The following FLI1 variants were observed in gnomAD, a reference collection of about 807,000 sequenced individuals.
The protein encoded by FLI1 is Fli-1 proto-oncogene, ETS transcription factor.
Under a neutral mutation model 53.1 loss-of-function variants are expected in FLI1, and 13 were observed. The observed-to-expected ratio is 0.24, with a 90% CI of 0.16 to 0.39. The LOEUF (loss-of-function observed/expected upper bound fraction) is 0.39. Ranked by LOEUF, FLI1 falls within the 10% of genes least tolerant of loss-of-function variation. FLI1 has a pLI of 1.00. For missense variants in FLI1, 424 were observed against 600.5 expected, an observed-to-expected ratio of 0.71 and a Z score of 3.07; for synonymous variants, 244 against 236.7, an observed-to-expected ratio of 1.03 and a Z score of -0.28.
At chr11:128,730,367 G>A (rs1309493964) in intron 1 of FLI1, among the ~76,000 whole-genome samples, 2 of 152,174 alleles carry the variant, frequency 1.3e-5, no homozygotes, top group African/African-American at 4.8e-5. Context: ...CAGTAGCTGC[G>A]CTGCTCATCC....
At position 128,811,298 on chromosome 11, in the gene FLI1, A is replaced by C. The variant is rs1229368439; in HGVS notation, c.*310A>C. On this transcript the variant is annotated 3_prime_UTR_variant, in exon 9 of 9. Transcript: ENST00000527786. ...GGTTAAGTCATGGTTCTGAGAAAGAAGCTGTACGTTTTCTTTATGTTTTTA... is the reference window on the plus strand; with the variant it reads ...GGTTAAGTCATGGTTCTGAGAAAGACGCTGTACGTTTTCTTTATGTTTTTA... The C allele has an allele frequency of 6.9e-6, 3 of 435,014 alleles. No individual in the cohort carries two copies. Among genetic ancestry groups the C allele is most frequent in the East Asian group, 8.4e-5 (2 of 23,794 alleles). The allele number at this position is 435,014 out of a possible 1,614,324, so 26.9% of individuals were successfully genotyped here.
chr11:128,725,822 C>T (rs1939452684), intron 1 of FLI1, among the ~76,000 whole-genome samples: 1 of 152,084 alleles, frequency 6.6e-6, no homozygotes, highest in African/African-American at 2.4e-5. Context: ...GCAGTCCGTG[C>T]AGGAGAAAAA....
chr11:128,730,034 T>C (rs891261107), intron 1 of FLI1, among the ~76,000 whole-genome samples: 1 of 152,218 alleles, frequency 6.6e-6, no homozygotes, highest in Non-Finnish European at 1.5e-5. Context: ...AGTTCATTCA[T>C]GTTGCCAGAG....
Position 128,733,314 on chromosome 11 carries a change from C to T in FLI1, c.19-24801C>T, listed in dbSNP as rs116515620. On this transcript the variant is annotated intron_variant, in intron 1 of 8. Coordinates refer to ENST00000527786, the MANE Select transcript of FLI1 (RefSeq NM_002017.5). The stretch of plus-strand genomic sequence containing the variant: ...TAATTCACTGGATCTGGAATGGTCC[C>T]GGGAATCTTCATTTTTAACAACACT... Among the ~76,000 whole-genome samples, 1,141 of 152,156 alleles carry T rather than the reference C, an allele frequency of 7.5e-3. 11 individuals are homozygous for T. The highest frequency in any genetic ancestry group is 0.026 in the African/African-American group (1,082 of 41,502).
At chr11:128,791,213 C>T (rs1942259095) in intron 5 of FLI1, among the ~76,000 whole-genome samples, 1 of 152,150 alleles carries the variant, frequency 6.6e-6, no homozygotes, top group Admixed American at 6.5e-5. Context: ...TACAGCTTTG[C>T]CCATTTAGGT....
At chr11:128,686,405 G>A (rs1449940888), upstream of FLI1, 3 of 456,160 alleles carry the variant, frequency 6.6e-6, no homozygotes, top group Non-Finnish European at 1.3e-5. Flanking sequence ...GGTGTGAGGT[G>A]GCTCTCAGTT....
At chr11:128,731,303 TG>T (rs5795634) in intron 1 of FLI1, among the ~76,000 whole-genome samples, 29,932 of 152,032 alleles carry the variant, frequency 0.2, 3,322 homozygotes, top group Admixed American at 0.34. Context: ...GACCTAAATG[TG>T]GGGGGGTTGG....
At chr11:128,758,957 C>A (rs958888115) in intron 2 of FLI1, among the ~76,000 whole-genome samples, 2 of 152,224 alleles carry the variant, frequency 1.3e-5, no homozygotes, top group African/African-American at 4.8e-5. Flanking sequence ...CTCAGTTTTG[C>A]GTCCTGCCTC....
intron 1 of FLI1, among the ~76,000 whole-genome samples, chr11:128,728,938 T>G (rs1939587152): frequency 6.6e-6 from 1 of 152,244 alleles, no homozygotes; most frequent in African/African-American, 2.4e-5. Flanking sequence ...AGACACACCC[T>G]TCTGCCTGAT....
upstream of FLI1, among the ~76,000 whole-genome samples, chr11:128,689,253 C>T (rs986814677): frequency 3.9e-5 from 6 of 152,242 alleles, 1 homozygote; most frequent in South Asian, 1.2e-3. Context: ...ACCAGGAGAC[C>T]CAGTGGAGTA....
intron 1 of FLI1, among the ~76,000 whole-genome samples, chr11:128,688,524 G>C (rs61907831): frequency 6.6e-6 from 1 of 152,150 alleles, no homozygotes; most frequent in Non-Finnish European, 1.5e-5. Context: ...GCCGTTGTCC[G>C]GCAGGCACCC....
At chr11:128,687,311 A>G (rs1038874677) in intron 1 of FLI1, among the ~76,000 whole-genome samples, 23 of 152,176 alleles carry the variant, frequency 1.5e-4, no homozygotes, top group Admixed American at 1.2e-3. Context: ...GAATGTAAAC[A>G]AACTGAAGCT....
chr11:128,756,113 GT>G (rs2135804652), intron 1 of FLI1, among the ~76,000 whole-genome samples: 1 of 152,336 alleles, frequency 6.6e-6, no homozygotes, highest in South Asian at 2.1e-4. Context: ...AACAAGTGCT[GT>G]TCACCTATCA....
chr11:128,777,713 T>C (rs908409385), intron 4 of FLI1, among the ~76,000 whole-genome samples: 15 of 152,228 alleles, frequency 9.9e-5, no homozygotes, highest in Non-Finnish European at 1.9e-4. Context: ...GCCAGAGCTG[T>C]TGATATAGCA....
intron 4 of FLI1, among the ~76,000 whole-genome samples, chr11:128,777,849 C>T (rs1229060968): frequency 1.3e-5 from 2 of 152,174 alleles, no homozygotes; most frequent in Non-Finnish European, 2.9e-5. Context: ...CGCCCCCTGG[C>T]CCAGGTGTCC....
rs188047032 is a variant in FLI1, at chr11:128,764,955, G to A, written c.231-3163G>A. ...GGTCCTAGTGCAGAAGCCTGGGACCGAGGACAGGGCCATTTTCCAGAGGAG... is the reference window on the plus strand; with the variant it reads ...GGTCCTAGTGCAGAAGCCTGGGACCAAGGACAGGGCCATTTTCCAGAGGAG... On this transcript the variant is annotated intron_variant, in intron 2 of 8. Coordinates refer to ENST00000527786, the MANE Select transcript of FLI1 (RefSeq NM_002017.5). 409 of 1,009,524 alleles carry A rather than the reference G, an allele frequency of 4.1e-4. No individual in the cohort carries two copies. The East Asian group carries it at 0.01, about 26-fold the overall frequency. The allele number at this position is 1,009,524 out of a possible 1,614,324, so 62.5% of individuals were successfully genotyped here. A position where few individuals can be genotyped will look rare whatever the true frequency, so the allele number is the denominator to read the frequency against.
chr11:128,764,451 G>A (rs1355389445), intron 2 of FLI1, among the ~76,000 whole-genome samples: 2 of 152,184 alleles, frequency 1.3e-5, no homozygotes, highest in African/African-American at 2.4e-5. Context: ...TGGGGCCACC[G>A]CCACCTCCCT....
chr11:128,804,027 T>A (rs539210078), intron 5 of FLI1: 24 of 152,402 alleles, frequency 1.6e-4, no homozygotes, highest in African/African-American at 5.8e-4. Context: ...TCTGTGTTGC[T>A]TTTCATGCCA....
upstream of FLI1, among the ~76,000 whole-genome samples, chr11:128,691,145 CA>C (rs906641965): frequency 2.0e-5 from 3 of 152,194 alleles, no homozygotes; most frequent in African/African-American, 7.2e-5. Context: ...TCAATGCAAA[CA>C]TTCAAAATAT....
Sources: allele counts gnomAD v4.1 joint callset (sites outside exome capture counted in the v4.1 genomes callset), GRCh38; gene constraint gnomAD v4.1.1; transcripts MANE v1.5; gene names NCBI Gene and HGNC (gene_info 2026-07-23, HGNC 2026-07-21).